Variants in LMOD3 observed in about 807,000 individuals in gnomAD.
LMOD3 encodes the protein leiomodin 3.
A neutral mutation model predicts 41.8 loss-of-function variants in LMOD3; 31 were observed. That is an observed-to-expected ratio of 0.74 (90% CI 0.56 to 1.00). The LOEUF is 1.00. Ranked by LOEUF, LMOD3 falls within the 50% of genes least tolerant of loss-of-function variation. The pLI is 0.00. For synonymous variants in LMOD3, 292 were observed against 241.9 expected (o/e 1.21, Z -1.92); for missense variants, 755 against 679.5 (o/e 1.11, Z -1.23).
intron 2 of LMOD3, 38 bp downstream of exon 2, chr3:69,118,661 A>C: frequency 6.3e-7 from 1 of 1,578,776 alleles, no homozygotes. Context: ...TTTACTATGG[A>C]GGGTGCTCAG....
At chr3:69,118,585 C>G in intron 2 of LMOD3, 114 bp downstream of exon 2, 4 of 1,211,728 alleles carry the variant, frequency 3.3e-6, no homozygotes, top group East Asian at 2.6e-5. Flanking sequence ...TTGGCTTCCC[C>G]CAGTTGGTCT....
chr3:69,122,130 T>G lies in LMOD3; in HGVS notation c.257A>C (p.Glu86Ala). 6.2e-7 allele frequency: 1 copy of G among 1,612,760 alleles called. No individual in the cohort carries two copies. Residue 86 changes from glutamate to alanine, a missense_variant, in exon 1 of 3, where the codon GAA (glutamate) becomes GCA (alanine). Physicochemically the swap from Glu to Ala is moderately radical, Grantham distance 107 (BLOSUM62 -1). Transcript: ENST00000420581. Reference sequence around the variant, plus strand: ...AAAGGTGACAGGAACTCGTTCCTCTTCCAGCATGCGCCTGGATGCCTTTTC... The same window carrying G: ...AAAGGTGACAGGAACTCGTTCCTCTGCCAGCATGCGCCTGGATGCCTTTTC... ...YWEKASRRML[E>A]EERVPVTFVK...
rs199575663 is a variant in LMOD3 at position 69,118,916 on chromosome 3, G to A, written c.1439C>T (p.Thr480Ile). The change falls in exon 2 of 3, where the codon ACA (threonine) becomes ATA (isoleucine). Residue 480 changes from threonine (T) to isoleucine (I), a missense_variant. Transcript: ENST00000420581. ...CACCACCCGGAAGGAGTCAGGGTCTGTCCTGTACTTCGGGGCCTGCGATGG... is the reference window on the plus strand; with the variant it reads ...CACCACCCGGAAGGAGTCAGGGTCTATCCTGTACTTCGGGGCCTGCGATGG... ...KKPSQAPKYR[T>I]DPDSFRVVKL... The A allele has an allele frequency of 1.9e-6, 3 of 1,612,062 alleles. No homozygotes were observed. The highest frequency in any genetic ancestry group is 1.3e-5 in the African/African-American group (1 of 74,236).
rs754432774 is a variant in LMOD3, at chr3:69,119,441, A to G, written c.914T>C (p.Met305Thr). The part of the protein sequence containing the change: ...DENVAFALAN[M>T]LRENRSITTL... ...GGTGATGCTTCTATTTTCACGCAAC[A>G]TGTTAGCCAAGGCAAATGCTACATT... is the stretch of plus-strand genomic sequence containing the variant. Residue 305 changes from methionine to threonine, a missense_variant, in exon 2 of 3, where the codon ATG (methionine) becomes ACG (threonine). Transcript: ENST00000420581. 4.3e-6 allele frequency: 7 copies of G among 1,613,900 alleles called. No homozygotes were observed. The African/African-American group carries it at 9.3e-5, about 22-fold the overall frequency.
rs2092330930 is a variant in LMOD3 at position 69,108,019 on chromosome 3, A to G, written c.*1076T>C. 1 of 152,152 alleles carries G rather than the reference A, an allele frequency of 6.6e-6. No homozygotes were observed. The highest frequency in any genetic ancestry group is 2.4e-5 in the African/African-American group (1 of 41,434). The allele number at this position is 152,152 out of a possible 1,614,324, so 9.4% of individuals were successfully genotyped here. Reference sequence around the variant, plus strand: ...GAAGTCTCTTGGAAGGATTAATGCGAGCAAAGGCACAAGGGTGTGCACAAG... The same window carrying G: ...GAAGTCTCTTGGAAGGATTAATGCGGGCAAAGGCACAAGGGTGTGCACAAG... On this transcript the variant is annotated 3_prime_UTR_variant, in exon 3 of 3. Transcript: ENST00000420581.
intron 2 of LMOD3, among the ~76,000 whole-genome samples, chr3:69,115,346 G>A (rs1380546722): frequency 5.9e-5 from 9 of 151,842 alleles, no homozygotes; most frequent in Admixed American, 3.9e-4. Flanking sequence ...AAAATTAGCC[G>A]TGTGTGGTGA....
intron 2 of LMOD3, among the ~76,000 whole-genome samples, chr3:69,117,874 C>T (rs1196276004): frequency 6.7e-6 from 1 of 149,410 alleles, no homozygotes; most frequent in Non-Finnish European, 1.5e-5. Flanking sequence ...GCTCTGTCAC[C>T]AGGCTGGAGT....
rs997612031 is a variant in LMOD3 at position 69,107,287 on chromosome 3, T to C, written c.*1808A>G. On this transcript the variant is annotated 3_prime_UTR_variant, in exon 3 of 3. Transcript: ENST00000420581. ...ATAGAAACGCCATATTTCTTTCCCA[T>C]GGCTTGTCTTTCCAAATAATGTGTT... is the stretch of plus-strand genomic sequence containing the variant. The C allele has an allele frequency of 9.2e-5, 14 of 151,922 alleles. No individual in the cohort carries two copies. The highest frequency in any genetic ancestry group is 1.8e-4 in the Non-Finnish European group (12 of 67,998). The allele number at this position is 151,922 out of a possible 1,614,324, so 9.4% of individuals were successfully genotyped here. A position where few individuals can be genotyped will look rare whatever the true frequency, so the allele number is the denominator to read the frequency against.
chr3:69,115,519 A>ACACACACACACACACACAC, intron 2 of LMOD3, among the ~76,000 whole-genome samples: 1 of 143,452 alleles, frequency 7.0e-6, no homozygotes, highest in South Asian at 2.2e-4. Flanking sequence ...CACACACACA[A>ACACACACACACACACACAC]AACTTTTCTA....
Position 69,117,833 on chromosome 3 carries a change from G to GTTTTTTT in LMOD3, c.1656+859_1656+865dup, listed in dbSNP as rs374336943. Among the ~76,000 whole-genome samples, 69 of 132,134 alleles carry GTTTTTTT rather than the reference G, an allele frequency of 5.2e-4. 1 individual carries two copies. In the South Asian group the frequency reaches 8.3e-3, roughly 16 times the overall value. The allele number at this position is 132,134 out of a possible 152,430, so 86.7% of individuals were successfully genotyped here. ...ACAAACAACTGGCCCAATTTGGGTG[G>GTTTTTTT]TTTTTTTTTTTTTTTTTTAGATGGA... is the stretch of plus-strand genomic sequence containing the variant. On this transcript the variant is annotated intron_variant, in intron 2 of 2. Coordinates refer to ENST00000420581, the MANE Select transcript of LMOD3 (RefSeq NM_198271.5).
intron 2 of LMOD3, among the ~76,000 whole-genome samples, chr3:69,109,462 GATA>G (rs2092337943): frequency 6.7e-6 from 1 of 148,278 alleles, no homozygotes. Flanking sequence ...GCTGTAAAAT[GATA>G]ATAACAGTAT....
At chr3:69,112,577 T>C (rs1396253628) in intron 2 of LMOD3, among the ~76,000 whole-genome samples, 1 of 152,032 alleles carries the variant, frequency 6.6e-6, no homozygotes, top group Non-Finnish European at 1.5e-5. Flanking sequence ...GCCTTGGAAA[T>C]TGGATAGATT....
Position 69,119,329 on chromosome 3 carries a change from C to G in LMOD3, c.1026G>C (p.Glu342Asp). 4 of 1,613,942 alleles carry G rather than the reference C, an allele frequency of 2.5e-6. No individual in the cohort carries two copies. The highest frequency in any genetic ancestry group is 3.4e-6 in the Non-Finnish European group (4 of 1,179,884). The change falls in exon 2 of 3, where the codon GAG (glutamate) becomes GAC (aspartate). Residue 342 changes from glutamate to aspartate, a missense_variant. Transcript: ENST00000420581. ...RCLQFNETLT[E>D]LRFHNQRHML... Reference sequence around the variant, plus strand: ...TGTGCCTCTGATTGTGAAACCGAAGCTCAGTTAGCGTCTCATTAAACTGGA... The same window carrying G: ...TGTGCCTCTGATTGTGAAACCGAAGGTCAGTTAGCGTCTCATTAAACTGGA...
At chr3:69,115,162 C>T (rs1004247063) in intron 2 of LMOD3, among the ~76,000 whole-genome samples, 144 of 152,214 alleles carry the variant, frequency 9.5e-4, no homozygotes, top group Non-Finnish European at 1.8e-3. Context: ...TATGAACCAC[C>T]GCTCCCAGCC....
rs757791893 is a variant in LMOD3, at chr3:69,122,201, C to T, written c.186G>A (p.Pro62=). The T allele has an allele frequency of 1.6e-5, 26 of 1,613,250 alleles. No homozygotes were observed. In the South Asian group the frequency reaches 1.6e-4, roughly 10 times the overall value. Reference sequence around the variant, plus strand: ...GAGATTTATGATTGAAGTTTCCTGTCGGTGGCTTGTCAGTTTGATCTTTCT... The same window carrying T: ...GAGATTTATGATTGAAGTTTCCTGTTGGTGGCTTGTCAGTTTGATCTTTCT... ...MIQKDQTDKP[P]TGNFNHKSLV... Residue 62 remains proline (P), a synonymous_variant, in exon 1 of 3, where the codon CCG becomes CCA. Coordinates refer to ENST00000420581, the MANE Select transcript of LMOD3 (RefSeq NM_198271.5).
chr3:69,110,859 T>TAC, intron 2 of LMOD3, among the ~76,000 whole-genome samples: 1 of 119,174 alleles, frequency 8.4e-6, no homozygotes, highest in East Asian at 3.3e-4. Flanking sequence ...AAAAAATATA[T>TAC]ATATATATAT....
intron 2 of LMOD3, among the ~76,000 whole-genome samples, chr3:69,113,205 A>G (rs1386181779): frequency 6.6e-6 from 1 of 152,196 alleles, no homozygotes; most frequent in Non-Finnish European, 1.5e-5. Context: ...TGGAGATAAG[A>G]CAGAAAACTG....
intron 2 of LMOD3, among the ~76,000 whole-genome samples, chr3:69,110,396 A>C (rs1318368831): frequency 6.6e-6 from 1 of 151,244 alleles, no homozygotes. Context: ...CGCCCAGCTA[A>C]TTTTTGTATT....
At chr3:69,117,139 G>T (rs2092378312) in intron 2 of LMOD3, among the ~76,000 whole-genome samples, 1 of 152,196 alleles carries the variant, frequency 6.6e-6, no homozygotes, top group South Asian at 2.1e-4. Context: ...GTGCCCAAGG[G>T]CAGGCAAAGA....
Sources: gnomAD v4.1 joint callset for allele counts (sites outside exome capture counted in the v4.1 genomes callset) on GRCh38, gnomAD v4.1.1 for gene constraint, MANE v1.5 for transcripts, NCBI Gene and HGNC (gene_info 2026-07-23, HGNC 2026-07-21) for gene names.